The following FBN2 variants were observed in gnomAD, a reference collection of about 807,000 sequenced individuals.
FBN2 encodes the protein fibrillin 2.
FBN2 carries 105 observed loss-of-function variants against 355.6 expected under a neutral mutation model. The ratio of observed to expected loss-of-function variants is 0.30; its 90% CI spans 0.25 to 0.35. FBN2 has a LOEUF of 0.35. Ranked by LOEUF, FBN2 falls within the 10% of genes least tolerant of loss-of-function variation. FBN2 has a pLI of 1.00. For missense variants in FBN2, 3,280 were observed against 3,758.7 expected (o/e 0.87, Z 3.33); for synonymous variants, 1,350 against 1,301.2 (o/e 1.04, Z -0.81).
chr5:128,418,083 T>C (rs1005982256), intron 7 of FBN2, among the ~76,000 whole-genome samples: 1 of 152,192 alleles, frequency 6.6e-6, no homozygotes, highest in Non-Finnish European at 1.5e-5. Context: ...GATTTATCTA[T>C]TTCTTCTAGA....
At chr5:128,452,643 T>C (rs983974096) in intron 6 of FBN2, among the ~76,000 whole-genome samples, 2 of 152,218 alleles carry the variant, frequency 1.3e-5, no homozygotes, top group South Asian at 4.1e-4. Flanking sequence ...ATTACTACTA[T>C]ATTTCATAGC....
intron 5 of FBN2, among the ~76,000 whole-genome samples, chr5:128,501,359 A>G (rs2127140313): frequency 6.6e-6 from 1 of 152,298 alleles, no homozygotes; most frequent in East Asian, 1.9e-4. Flanking sequence ...TGCACTTGAA[A>G]TACCTGGCTC....
chr5:128,407,703 T>C (rs1370812359), intron 8 of FBN2, among the ~76,000 whole-genome samples: 2 of 152,190 alleles, frequency 1.3e-5, no homozygotes, highest in African/African-American at 4.8e-5. Context: ...ATCAAATGAA[T>C]TCAGGCCACA....
intron 7 of FBN2, among the ~76,000 whole-genome samples, chr5:128,434,414 A>G (rs894058737): frequency 5.9e-5 from 8 of 135,936 alleles, no homozygotes; most frequent in Non-Finnish European, 7.7e-5. Context: ...ATATATATAT[A>G]TATATATATA....
chr5:128,377,951 G>C, intron 12 of FBN2, 74 bp from the exon 13 acceptor site: 1 of 1,378,322 alleles, frequency 7.3e-7, no homozygotes, highest in Non-Finnish European at 1.0e-6. Context: ...ATAAGAAATG[G>C]AATTTTAAAT....
chr5:128,296,711 A>G (rs1374978190), intron 48 of FBN2, among the ~76,000 whole-genome samples: 1 of 152,032 alleles, frequency 6.6e-6, no homozygotes, highest in Non-Finnish European at 1.5e-5. Context: ...TATTGCATCT[A>G]TTTGATTCTT....
intron 41 of FBN2, among the ~76,000 whole-genome samples, chr5:128,307,672 CTT>C (rs1175257857): frequency 5.7e-5 from 8 of 141,232 alleles, no homozygotes; most frequent in Non-Finnish European, 7.8e-5. Context: ...CGAATTTTGT[CTT>C]TTTTTTTTTT....
At chr5:128,338,694 A>G (rs1055351387) in intron 26 of FBN2, among the ~76,000 whole-genome samples, 1 of 152,232 alleles carries the variant, frequency 6.6e-6, no homozygotes, top group African/African-American at 2.4e-5. Context: ...TTTAGATTCT[A>G]TGAATAAACA....
At chr5:128,357,147 AAAC>A (rs1751521802) in intron 20 of FBN2, 126 bp downstream of exon 20, 1 of 1,204,952 alleles carries the variant, frequency 8.3e-7, no homozygotes, top group South Asian at 1.3e-5. Flanking sequence ...TATTGAGTAA[AAAC>A]AACTAACATA....
intron 46 of FBN2, 130 bp from the exon 47 acceptor site, chr5:128,301,640 C>A: frequency 2.3e-6 from 2 of 864,636 alleles, no homozygotes; most frequent in South Asian, 1.4e-5. Flanking sequence ...TCCTCATCAA[C>A]AGAGAAAAAT....
At chr5:128,281,229 C>G (rs534862604) in intron 55 of FBN2, among the ~76,000 whole-genome samples, 2 of 152,322 alleles carry the variant, frequency 1.3e-5, no homozygotes, top group South Asian at 4.1e-4. Flanking sequence ...CCACTTATAT[C>G]TGTCATGATT....
rs1368929456 is a variant in FBN2, at chr5:128,530,712, G to A, written c.338-19C>T. 11 of 1,395,638 alleles carry A rather than the reference G, an allele frequency of 7.9e-6. No homozygotes were observed. In the African/African-American group the frequency reaches 1.6e-4, roughly 20 times the overall value. 86.5% of individuals were successfully genotyped at this position (1,395,638 alleles called of 1,614,324 possible). A position where few individuals can be genotyped will look rare whatever the true frequency, so the allele number is the denominator to read the frequency against. ...CAAATCGCTGTAGAAAGCACAATAG[G>A]AAAATGAATGAATAACTATATAATA... On this transcript the variant is annotated intron_variant, in intron 2 of 64. Coordinates refer to ENST00000262464, the MANE Select transcript of FBN2 (RefSeq NM_001999.4).
At chr5:128,299,783 C>A (rs563189262) in intron 48 of FBN2, among the ~76,000 whole-genome samples, 1 of 152,330 alleles carries the variant, frequency 6.6e-6, no homozygotes, top group Admixed American at 6.5e-5. Flanking sequence ...CACCCGTCTT[C>A]TCCGTCACTC....
chr5:128,375,878 A>G (rs1160687527), intron 14 of FBN2, among the ~76,000 whole-genome samples: 2 of 152,030 alleles, frequency 1.3e-5, no homozygotes, highest in Non-Finnish European at 2.9e-5. Flanking sequence ...TCCACAAAAA[A>G]TAAAACAAAA....
At chr5:128,308,676 C>G (rs1749951109) in intron 41 of FBN2, among the ~76,000 whole-genome samples, 1 of 151,944 alleles carries the variant, frequency 6.6e-6, no homozygotes, top group Admixed American at 6.6e-5. Flanking sequence ...AAGAAACTGT[C>G]TTGTGAAAAA....
intron 27 of FBN2, among the ~76,000 whole-genome samples, chr5:128,337,702 T>A (rs1750882825): frequency 6.6e-6 from 1 of 152,158 alleles, no homozygotes; most frequent in Admixed American, 6.5e-5. Context: ...AGCTTTCCCA[T>A]TTTTTCCTAA....
At chr5:128,534,959 C>T (rs1024968386) in intron 2 of FBN2, among the ~76,000 whole-genome samples, 3 of 152,144 alleles carry the variant, frequency 2.0e-5, no homozygotes, top group African/African-American at 7.2e-5. Flanking sequence ...TGATGAGTGA[C>T]GTTAGCTGTT....
At chr5:128,452,218 G>C (rs998465963) in intron 6 of FBN2, among the ~76,000 whole-genome samples, 14 of 152,130 alleles carry the variant, frequency 9.2e-5, no homozygotes, top group African/African-American at 3.1e-4. Context: ...ACTAATGATT[G>C]ATTAATTCTC....
chr5:128,448,249 T>G (rs910218828), intron 6 of FBN2, among the ~76,000 whole-genome samples: 4 of 151,578 alleles, frequency 2.6e-5, no homozygotes, highest in African/African-American at 9.7e-5. Flanking sequence ...TCATGAAGAC[T>G]CCTGCATTTC....
Sources: gnomAD v4.1 joint callset for allele counts (sites outside exome capture counted in the v4.1 genomes callset) on GRCh38, gnomAD v4.1.1 for gene constraint, MANE v1.5 for transcripts, NCBI Gene and HGNC (gene_info 2026-07-23, HGNC 2026-07-21) for gene names.